ANKFN1: variants seen among roughly 807,000 people sequenced by gnomAD.
ANKFN1 encodes ankyrin repeat and fibronectin type III domain containing 1.
In ANKFN1, 74 loss-of-function variants were observed where a neutral mutation model predicts 108.7. The observed-to-expected ratio is 0.68, with a 90% confidence interval of 0.56 to 0.83. The LOEUF (loss-of-function observed/expected upper bound fraction) is 0.83. ANKFN1 is among the 40% of genes least tolerant of loss of function. The probability of loss-of-function intolerance (pLI) is 0.00; values close to 1 mark genes in which losing one functional copy is unlikely to be tolerated. For synonymous variants in ANKFN1, 547 were observed against 516.2 expected, an observed-to-expected ratio of 1.06 and a Z score of -0.81; for missense variants, 1,505 against 1,382.3, an observed-to-expected ratio of 1.09 and a Z score of -1.41.
At chr17:56,254,762 G>A (rs1423538078) in intron 3 of ANKFN1, among the ~76,000 whole-genome samples, 1 of 152,160 alleles carries the variant, frequency 6.6e-6, no homozygotes, top group Non-Finnish European at 1.5e-5. Context: ...GACCAGGAGA[G>A]GACACCATGA....
rs2051802790 is a variant in ANKFN1 at position 56,512,384 on chromosome 17, G to A, written c.*1115G>A. On this transcript the variant is annotated 3_prime_UTR_variant, in exon 21 of 21. Coordinates refer to ENST00000682825, the MANE Select transcript of ANKFN1 (RefSeq NM_001370326.1). ...TTCCCTTTCAACCTACCTCTCCTTAGGTCAAATTTGCCTCAAAATCATCTG... is the reference window on the plus strand; with the variant it reads ...TTCCCTTTCAACCTACCTCTCCTTAAGTCAAATTTGCCTCAAAATCATCTG... Among the ~76,000 whole-genome samples, 1 of 152,140 alleles carries A rather than the reference G, an allele frequency of 6.6e-6. No homozygotes were observed. Among genetic ancestry groups the A allele is most frequent in the Non-Finnish European group, 1.5e-5 (1 of 68,030 alleles).
At chr17:56,186,150 A>C (rs1912184346) in intron 1 of ANKFN1, among the ~76,000 whole-genome samples, 2 of 152,338 alleles carry the variant, frequency 1.3e-5, no homozygotes, top group South Asian at 4.1e-4. Flanking sequence ...GTGGGTAGTT[A>C]CTGTAGCCAG....
At chr17:56,117,220 A>G (rs1159591681) in intron 4 of ANKFN1, among the ~76,000 whole-genome samples, 1 of 152,196 alleles carries the variant, frequency 6.6e-6, no homozygotes, top group Non-Finnish European at 1.5e-5. Flanking sequence ...AAGTGGGGCC[A>G]AGCACATGGC....
chr17:56,469,492 C>T (rs1159802841), intron 15 of ANKFN1, among the ~76,000 whole-genome samples: 2 of 152,090 alleles, frequency 1.3e-5, no homozygotes, highest in South Asian at 2.1e-4. Flanking sequence ...GTGATGACCA[C>T]CAGGCCTTCT....
intron 1 of ANKFN1, among the ~76,000 whole-genome samples, chr17:56,183,272 G>A (rs114801757): frequency 0.016 from 2,421 of 152,204 alleles, 50 homozygotes; most frequent in African/African-American, 0.055. Context: ...AGAGTACATT[G>A]ACAAAATTCT....
At chr17:56,447,264 G>C (rs1441036483) in intron 10 of ANKFN1, among the ~76,000 whole-genome samples, 1 of 152,070 alleles carries the variant, frequency 6.6e-6, no homozygotes, top group Non-Finnish European at 1.5e-5. Context: ...ACTTTACAAA[G>C]AAAAAATTTG....
intron 8 of ANKFN1, among the ~76,000 whole-genome samples, chr17:56,437,627 T>A (rs901670472): frequency 1.3e-5 from 2 of 152,222 alleles, no homozygotes; most frequent in Admixed American, 1.3e-4. Context: ...TTTTCTTCTA[T>A]AGCTAAATTA....
At chr17:56,321,832 A>G (rs1341767919) in intron 3 of ANKFN1, among the ~76,000 whole-genome samples, 1 of 152,204 alleles carries the variant, frequency 6.6e-6, no homozygotes, top group African/African-American at 2.4e-5. Context: ...TAACTTGCCC[A>G]AGATCACACA....
At chr17:56,153,446 C>T (rs373480834), upstream of ANKFN1, 2 of 1,597,636 alleles carry the variant, frequency 1.3e-6, no homozygotes, top group African/African-American at 1.3e-5. Flanking sequence ...TGGACATTCG[C>T]AAAGGGGTTT....
chr17:56,271,462 A>C lies in ANKFN1; in HGVS notation c.53+43505A>C, dbSNP rs145184695. ...GTGTGTGACTGAATGACTGTCCTTG[A>C]CAACTGTTTAACCCAGAGTCATACA... On this transcript the variant is annotated intron_variant, in intron 3 of 20. Transcript: ENST00000682825. Among the ~76,000 whole-genome samples the C allele has an allele frequency of 3.1e-3, 476 of 152,330 alleles. 2 individuals are homozygous for C. The highest frequency in any genetic ancestry group is 5.0e-3 in the Admixed American group (77 of 15,306).
At chr17:56,436,375 A>G (rs1598606847) in intron 8 of ANKFN1, among the ~76,000 whole-genome samples, 1 of 152,196 alleles carries the variant, frequency 6.6e-6, no homozygotes, top group Non-Finnish European at 1.5e-5. Context: ...AGACCTAAGT[A>G]GAAACAGTTT....
intron 8 of ANKFN1, among the ~76,000 whole-genome samples, chr17:56,433,466 G>GTA (rs748374000): frequency 4.2e-4 from 64 of 151,750 alleles, no homozygotes; most frequent in Non-Finnish European, 6.3e-4. Flanking sequence ...CTATATATAT[G>GTA]TATATATATA....
At chr17:56,327,529 G>A (rs1302421000) in intron 4 of ANKFN1, among the ~76,000 whole-genome samples, 1 of 152,136 alleles carries the variant, frequency 6.6e-6, no homozygotes, top group African/African-American at 2.4e-5. Context: ...GTGAAGTTTT[G>A]CCTGGTGGAA....
chr17:56,300,750 G>A lies in ANKFN1; in HGVS notation c.54-25471G>A, dbSNP rs368254146. 4.6e-5 allele frequency among the ~76,000 whole-genome samples: 7 copies of A among 152,162 alleles called. No individual in the cohort carries two copies. The East Asian group carries it at 1.3e-3, about 29-fold the overall frequency. ...GGAAGATAGATTCCACACTTAGGCA[G>A]ATGTCAATCATTGGCAATGTGCTGT... is the stretch of plus-strand genomic sequence containing the variant. On this transcript the variant is annotated intron_variant, in intron 3 of 20. Coordinates refer to ENST00000682825, the MANE Select transcript of ANKFN1 (RefSeq NM_001370326.1).
At chr17:56,318,837 T>A (rs571419861) in intron 3 of ANKFN1, among the ~76,000 whole-genome samples, 1 of 152,300 alleles carries the variant, frequency 6.6e-6, no homozygotes, top group Non-Finnish European at 1.5e-5. Flanking sequence ...TCATTGATAA[T>A]GATCTGTTCC....
intron 4 of ANKFN1, among the ~76,000 whole-genome samples, chr17:56,124,331 T>G (rs1367116134): frequency 6.6e-6 from 1 of 152,222 alleles, no homozygotes; most frequent in Non-Finnish European, 1.5e-5. Flanking sequence ...ACGGAGCTGG[T>G]GGGTTCAGTC....
At chr17:56,319,636 AT>A (rs2045307693) in intron 3 of ANKFN1, among the ~76,000 whole-genome samples, 1 of 152,192 alleles carries the variant, frequency 6.6e-6, no homozygotes, top group Non-Finnish European at 1.5e-5. Context: ...TTATGACCAA[AT>A]CTAGTGCATC....
At chr17:56,299,373 C>A (rs1409899623) in intron 3 of ANKFN1, among the ~76,000 whole-genome samples, 1 of 152,120 alleles carries the variant, frequency 6.6e-6, no homozygotes, top group Non-Finnish European at 1.5e-5. Flanking sequence ...GGACTCTGAC[C>A]CCTCTCCTGG....
chr17:56,268,718 A>G (rs2043718000), intron 3 of ANKFN1, among the ~76,000 whole-genome samples: 1 of 152,026 alleles, frequency 6.6e-6, no homozygotes, highest in African/African-American at 2.4e-5. Flanking sequence ...TTCCAAATAC[A>G]TCTTGTTTCC....
Sources: gnomAD v4.1 joint callset for allele counts (sites outside exome capture counted in the v4.1 genomes callset) on GRCh38, gnomAD v4.1.1 for gene constraint, MANE v1.5 for transcripts, NCBI Gene and HGNC (gene_info 2026-07-23, HGNC 2026-07-21) for gene names.